ZNF506: variants seen among roughly 807,000 people sequenced by gnomAD.
The protein encoded by ZNF506 is zinc finger protein 506.
ZNF506 carries 10 observed loss-of-function variants against 11.6 expected under a neutral mutation model. That is an observed-to-expected ratio of 0.86 (90% CI 0.53 to 1.46). ZNF506 has a LOEUF of 1.46. Ranked by LOEUF, ZNF506 falls within the 40% of genes most tolerant of loss-of-function variation. The probability of loss-of-function intolerance (pLI) is 0.00; values close to 1 mark genes in which losing one functional copy is unlikely to be tolerated. For missense variants in ZNF506, 425 were observed against 521.2 expected, an observed-to-expected ratio of 0.82 and a Z score of 1.80; for synonymous variants, 156 against 173.3, an observed-to-expected ratio of 0.90 and a Z score of 0.78.
intron 2 of ZNF506, chr19:19,806,351 G>A (rs141009984): frequency 0.01 from 2,297 of 224,088 alleles, 24 homozygotes; most frequent in South Asian, 0.031. Context: ...CCAACTCCAG[G>A]ATTCAAGCGG....
intron 1 of ZNF506, among the ~76,000 whole-genome samples, chr19:19,807,970 AAAAT>A (rs1264356448): frequency 6.6e-6 from 1 of 152,122 alleles, no homozygotes; most frequent in African/African-American, 2.4e-5. Context: ...ATGTAGGAAA[AAAAT>A]AAGAAAGGAC....
Position 19,806,526 on chromosome 19 carries a change from G to C in ZNF506, c.131-400C>G, listed in dbSNP as rs2062837203. On this transcript the variant is annotated intron_variant, in intron 2 of 3. Coordinates refer to ENST00000540806, the MANE Select transcript of ZNF506 (RefSeq NM_001099269.3). ...CCCGCCCGGACTCCCAAAGTGCTGG[G>C]ATTATAGGTGTGAGCCACCAAGCCT... 1.0e-5 allele frequency: 2 copies of C among 197,226 alleles called. 1 individual carries two copies. Among genetic ancestry groups the C allele is most frequent in the Non-Finnish European group, 2.1e-5 (2 of 97,242 alleles). The allele number at this position is 197,226 out of a possible 1,614,324, so 12.2% of individuals were successfully genotyped here. A position where few individuals can be genotyped will look rare whatever the true frequency, so the allele number is the denominator to read the frequency against.
chr19:19,806,989 A>G lies in ZNF506; in HGVS notation c.83T>C (p.Leu28Pro). Residue 28 changes from leucine to proline, a missense_variant, in exon 2 of 4, where the codon CTA becomes CCA. Coordinates refer to ENST00000540806, the MANE Select transcript of ZNF506 (RefSeq NM_001099269.3). ...WHCLDAAQRNLYRDVMLENYR... is the reference protein window; with the variant it reads ...WHCLDAAQRNPYRDVMLENYR... ...GTTCTCTAACATCACATCCCTATAT[A>G]GATTCCGCTGTGCAGCGTCCAGGCA... 6.2e-7 allele frequency: 1 copy of G among 1,614,068 alleles called. No individual in the cohort carries two copies. The highest frequency in any genetic ancestry group is 8.5e-7 in the Non-Finnish European group (1 of 1,179,964).
chr19:19,804,427 G>T (rs913651304), intron 3 of ZNF506, among the ~76,000 whole-genome samples: 1 of 152,170 alleles, frequency 6.6e-6, no homozygotes, highest in Non-Finnish European at 1.5e-5. Context: ...AAAAAGTCAG[G>T]AAACAACAGA....
intron 1 of ZNF506, among the ~76,000 whole-genome samples, chr19:19,818,422 ACAT>A (rs2062948721): frequency 6.6e-6 from 1 of 152,202 alleles, no homozygotes; most frequent in African/African-American, 2.4e-5. Context: ...TCCTGTGGAA[ACAT>A]TTTCATTGTC....
intron 1 of ZNF506, among the ~76,000 whole-genome samples, chr19:19,813,935 G>A (rs1275225205): frequency 2.0e-5 from 3 of 152,070 alleles, no homozygotes; most frequent in Non-Finnish European, 2.9e-5. Context: ...CCAATATCAT[G>A]CCATGGCACT....
chr19:19,807,931 A>T (rs1490966996), intron 1 of ZNF506, among the ~76,000 whole-genome samples: 2 of 152,138 alleles, frequency 1.3e-5, no homozygotes, highest in East Asian at 3.9e-4. Flanking sequence ...TAGCCTATAA[A>T]CAAAGAGCCC....
rs12327575 is a variant in ZNF506 at position 19,802,684 on chromosome 19, C to G, written c.226+3347G>C. ...GAGTACCTACTAATTATCCAATTTA[C>G]TTCAGGCATACCATGCAAATTCTAG... On this transcript the variant is annotated intron_variant, in intron 3 of 3. Coordinates refer to ENST00000540806, the MANE Select transcript of ZNF506 (RefSeq NM_001099269.3). Among the ~76,000 whole-genome samples the G allele has an allele frequency of 5.3e-3, 810 of 152,286 alleles. 8 individuals carry two copies. The highest frequency in any genetic ancestry group is 0.017 in the African/African-American group (726 of 41,554).
At chr19:19,815,551 G>A (rs910513378) in intron 1 of ZNF506, among the ~76,000 whole-genome samples, 1 of 152,192 alleles carries the variant, frequency 6.6e-6, no homozygotes, top group Non-Finnish European at 1.5e-5. Context: ...ATCACCCAAA[G>A]TTTTATTCCA....
intron 1 of ZNF506, among the ~76,000 whole-genome samples, chr19:19,815,893 C>A (rs2062926798): frequency 6.6e-6 from 1 of 152,080 alleles, no homozygotes; most frequent in African/African-American, 2.4e-5. Flanking sequence ...TAAGATGCAG[C>A]CCTGGAAAAG....
At chr19:19,821,341 G>C (rs553098518) in intron 1 of ZNF506, among the ~76,000 whole-genome samples, 2 of 152,336 alleles carry the variant, frequency 1.3e-5, no homozygotes, top group African/African-American at 4.8e-5. Context: ...AGACCTGTGG[G>C]TGCAGAGCTG....
At chr19:19,819,423 A>G (rs369824320) in intron 1 of ZNF506, among the ~76,000 whole-genome samples, 3 of 151,992 alleles carry the variant, frequency 2.0e-5, no homozygotes, top group African/African-American at 7.2e-5. Context: ...TTTCAACCCC[A>G]AGGCTGCCAC....
chr19:19,800,205 A>G (rs10409568), intron 3 of ZNF506, among the ~76,000 whole-genome samples: 9,468 of 151,886 alleles, frequency 0.062, 843 homozygotes, highest in African/African-American at 0.2. Flanking sequence ...CCACAAAAAG[A>G]CAGAGACTGT....
chr19:19,817,930 C>A (rs1388952680), intron 1 of ZNF506, among the ~76,000 whole-genome samples: 2 of 151,126 alleles, frequency 1.3e-5, no homozygotes, highest in Admixed American at 1.3e-4. Flanking sequence ...CGGGTTCAAG[C>A]CACTCTCCTG....
rs2062713890 is a variant in ZNF506, at chr19:19,793,775, C to G, written c.*777G>C. ...TCCTGTGAAATAAGGTGTAAGCACT[C>G]AAAAGTTTTGCCACATTCTTCACAC... On this transcript the variant is annotated 3_prime_UTR_variant, in exon 4 of 4. Coordinates refer to ENST00000540806, the MANE Select transcript of ZNF506 (RefSeq NM_001099269.3). The G allele has an allele frequency of 6.6e-6, 1 of 152,216 alleles. No homozygotes were observed. The highest frequency in any genetic ancestry group is 1.9e-4 in the East Asian group (1 of 5,192). The allele number at this position is 152,216 out of a possible 1,614,324, so 9.4% of individuals were successfully genotyped here.
At chr19:19,816,880 C>T (rs912981656) in intron 1 of ZNF506, among the ~76,000 whole-genome samples, 1 of 137,804 alleles carries the variant, frequency 7.3e-6, no homozygotes, top group Non-Finnish European at 1.5e-5. Context: ...AGTGCAACGG[C>T]GCCGTCTTGG....
intron 1 of ZNF506, among the ~76,000 whole-genome samples, chr19:19,810,006 C>T (rs572119823): frequency 2.0e-5 from 3 of 152,292 alleles, no homozygotes; most frequent in Admixed American, 6.5e-5. Context: ...AATGAGAAGC[C>T]TGGGCTGATA....
At chr19:19,814,824 G>A (rs2062916574) in intron 1 of ZNF506, among the ~76,000 whole-genome samples, 1 of 152,190 alleles carries the variant, frequency 6.6e-6, no homozygotes, top group Non-Finnish European at 1.5e-5. Context: ...GCAGGCAGGT[G>A]AGATTATGAA....
At chr19:19,817,004 T>C (rs1455430790) in intron 1 of ZNF506, among the ~76,000 whole-genome samples, 1 of 152,118 alleles carries the variant, frequency 6.6e-6, no homozygotes, top group Non-Finnish European at 1.5e-5. Context: ...TTTCTTCATA[T>C]TGGTCAGGCT....
Sources: allele counts gnomAD v4.1 joint callset (sites outside exome capture counted in the v4.1 genomes callset), GRCh38; gene constraint gnomAD v4.1.1; transcripts MANE v1.5; gene names NCBI Gene and HGNC (gene_info 2026-07-23, HGNC 2026-07-21).